Variants in CTNNA3 observed in about 807,000 individuals in gnomAD.
The protein encoded by CTNNA3 is catenin alpha-3.
CTNNA3 carries 76 observed loss-of-function variants against 95.7 expected under a neutral mutation model. The ratio of observed to expected loss-of-function variants is 0.79; its 90% CI spans 0.66 to 0.96. The LOEUF is 0.96. Among genes scored for constraint, CTNNA3 ranks in the 40% least tolerant of loss-of-function variants. The probability of loss-of-function intolerance (pLI) is 0.00; values close to 1 mark genes in which losing one functional copy is unlikely to be tolerated. For synonymous variants in CTNNA3, 431 were observed against 374.4 expected, an observed-to-expected ratio of 1.15 and a Z score of -1.74; for missense variants, 1,191 against 1,089.8, an observed-to-expected ratio of 1.09 and a Z score of -1.31.
At chr10:66,300,084 G>T (rs546361055) in intron 12 of CTNNA3, among the ~76,000 whole-genome samples, 1 of 151,842 alleles carries the variant, frequency 6.6e-6, no homozygotes, top group South Asian at 2.1e-4. Flanking sequence ...AGTAGAGACG[G>T]GTTTTCACCA....
chr10:67,098,996 G>C (rs891129251), intron 7 of CTNNA3: 3 of 151,742 alleles, frequency 2.0e-5, no homozygotes, highest in Non-Finnish European at 4.4e-5. Flanking sequence ...TTTTAAACAT[G>C]TACAGCTCAT....
At chr10:66,860,718 G>A (rs1460874617) in intron 7 of CTNNA3, among the ~76,000 whole-genome samples, 3 of 152,082 alleles carry the variant, frequency 2.0e-5, no homozygotes, top group Non-Finnish European at 4.4e-5. Flanking sequence ...TCCTGTTGTG[G>A]TTATATAAAT....
chr10:67,637,362 T>C (rs1404891877), intron 2 of CTNNA3, among the ~76,000 whole-genome samples: 2 of 152,184 alleles, frequency 1.3e-5, no homozygotes, highest in Admixed American at 1.3e-4. Flanking sequence ...TATCAGACTA[T>C]GTGAAAAGAC....
At chr10:66,606,751 C>T (rs943779061) in intron 10 of CTNNA3, among the ~76,000 whole-genome samples, 3 of 152,076 alleles carry the variant, frequency 2.0e-5, no homozygotes, top group Non-Finnish European at 2.9e-5. Context: ...CTCACGCCAG[C>T]ATCTCTGGGA....
intron 9 of CTNNA3, among the ~76,000 whole-genome samples, chr10:66,720,503 T>C (rs1183542219): frequency 6.6e-6 from 1 of 152,156 alleles, no homozygotes; most frequent in Non-Finnish European, 1.5e-5. Context: ...CTCTCTCTAA[T>C]GTGACTGAGG....
chr10:67,687,973 C>A lies in CTNNA3; in HGVS notation c.-6+8027G>T, dbSNP rs774079169. 2.0e-5 allele frequency among the ~76,000 whole-genome samples: 3 copies of A among 152,262 alleles called. No individual in the cohort carries two copies. The East Asian group carries it at 5.8e-4, about 29-fold the overall frequency. ...CCAGTAGGGAATTTGCCCCTTTCTT[C>A]GACTGTCATTCTATCATTTACTTGA... is the stretch of plus-strand genomic sequence containing the variant. On this transcript the variant is annotated intron_variant, in intron 1 of 17. Coordinates refer to ENST00000433211, the MANE Select transcript of CTNNA3 (RefSeq NM_013266.4).
intron 12 of CTNNA3, among the ~76,000 whole-genome samples, chr10:66,346,988 A>T (rs545729768): frequency 6.6e-6 from 1 of 151,924 alleles, no homozygotes; most frequent in Non-Finnish European, 1.5e-5. Flanking sequence ...GAAAAAAAAA[A>T]TGCCTCACAA....
intron 10 of CTNNA3, among the ~76,000 whole-genome samples, chr10:66,574,264 A>T (rs1318918612): frequency 6.6e-6 from 1 of 152,106 alleles, no homozygotes; most frequent in Admixed American, 6.6e-5. Flanking sequence ...AAACAATGAC[A>T]ATAAATGGCA....
intron 14 of CTNNA3, among the ~76,000 whole-genome samples, chr10:66,092,542 A>G (rs1288626095): frequency 6.6e-6 from 1 of 151,862 alleles, no homozygotes; most frequent in Non-Finnish European, 1.5e-5. Flanking sequence ...TATTTCTTCC[A>G]CTGTAAATGC....
chr10:66,129,888 C>T (rs1310921716), intron 13 of CTNNA3, among the ~76,000 whole-genome samples: 1 of 152,084 alleles, frequency 6.6e-6, no homozygotes, highest in African/African-American at 2.4e-5. Flanking sequence ...TTGGATCTTG[C>T]TTTTACTTCC....
chr10:65,923,214 G>A (rs768495737), intron 17 of CTNNA3, among the ~76,000 whole-genome samples: 3 of 152,194 alleles, frequency 2.0e-5, no homozygotes, highest in Non-Finnish European at 4.4e-5. Flanking sequence ...ATATGTAATG[G>A]CAGATTACAA....
intron 13 of CTNNA3, among the ~76,000 whole-genome samples, chr10:66,232,369 C>T (rs1015220479): frequency 2.0e-5 from 3 of 152,034 alleles, no homozygotes; most frequent in Non-Finnish European, 2.9e-5. Flanking sequence ...ATAAAAATCC[C>T]AGGACCTTTC....
intron 5 of CTNNA3, among the ~76,000 whole-genome samples, chr10:67,371,371 C>A (rs1302708687): frequency 9.0e-6 from 1 of 111,506 alleles, no homozygotes; most frequent in Non-Finnish European, 1.8e-5. Context: ...TAATGCTATC[C>A]CTCCCCCCTC....
intron 15 of CTNNA3, among the ~76,000 whole-genome samples, chr10:66,019,135 A>C (rs1407946486): frequency 1.3e-5 from 2 of 152,172 alleles, no homozygotes; most frequent in Admixed American, 1.3e-4. Flanking sequence ...AAATTGTGTC[A>C]TAATTAACAA....
intron 7 of CTNNA3, among the ~76,000 whole-genome samples, chr10:67,040,686 C>T (rs950345592): frequency 2.6e-5 from 4 of 151,766 alleles, no homozygotes; most frequent in African/African-American, 9.7e-5. Flanking sequence ...AAATTAAAAC[C>T]CCTGAGAATC....
rs150604626 is a variant in CTNNA3 at position 66,705,455 on chromosome 10, T to C, written c.1281+60809A>G. On this transcript the variant is annotated intron_variant, in intron 9 of 17. Transcript: ENST00000433211. ...TAATAGGTACTATTTCTTACTTAAATGTTTGGTAGAATTCATCAGTGAAGC... is the reference window on the plus strand; with the variant it reads ...TAATAGGTACTATTTCTTACTTAAACGTTTGGTAGAATTCATCAGTGAAGC... Among the ~76,000 whole-genome samples the C allele has an allele frequency of 5.4e-3, 820 of 152,156 alleles. 14 individuals are homozygous for C. The highest frequency in any genetic ancestry group is 0.019 in the African/African-American group (770 of 41,544).
intron 7 of CTNNA3, among the ~76,000 whole-genome samples, chr10:66,826,886 C>T (rs1314115094): frequency 6.6e-6 from 1 of 152,212 alleles, no homozygotes; most frequent in Non-Finnish European, 1.5e-5. Context: ...AACCCTTCAA[C>T]CACTTTCCAA....
intron 7 of CTNNA3, chr10:67,097,626 G>T: frequency 6.2e-7 from 1 of 1,612,184 alleles, no homozygotes; most frequent in South Asian, 1.1e-5. Context: ...TCTGGCATAC[G>T]ACCAGCCCAC....
intron 7 of CTNNA3, among the ~76,000 whole-genome samples, chr10:66,906,649 G>T (rs534561543): frequency 1.3e-5 from 2 of 152,222 alleles, no homozygotes; most frequent in East Asian, 1.9e-4. Flanking sequence ...GACAGTGTGT[G>T]TGTGTGTTTG....
Sources: gnomAD v4.1 joint callset for allele counts (sites outside exome capture counted in the v4.1 genomes callset) on GRCh38, gnomAD v4.1.1 for gene constraint, MANE v1.5 for transcripts, NCBI Gene and HGNC (gene_info 2026-07-23, HGNC 2026-07-21) for gene names.